Variants in LRRC4C observed in about 807,000 individuals in gnomAD.
LRRC4C encodes the protein leucine rich repeat containing 4C.
LRRC4C carries 5 observed loss-of-function variants against 33.6 expected under a neutral mutation model. The observed-to-expected ratio is 0.15, with a 90% CI of 0.08 to 0.31. The LOEUF (loss-of-function observed/expected upper bound fraction) is 0.31, where lower values mean the gene tolerates loss of function less well. Among genes scored for constraint, LRRC4C ranks in the 10% least tolerant of loss-of-function variants. The probability of loss-of-function intolerance (pLI) is 1.00; values close to 1 mark genes in which losing one functional copy is unlikely to be tolerated. For synonymous variants in LRRC4C, 329 were observed against 302.0 expected, an observed-to-expected ratio of 1.09 and a Z score of -0.93; for missense variants, 560 against 796.7, an observed-to-expected ratio of 0.70 and a Z score of 3.58.
intron 2 of LRRC4C, among the ~76,000 whole-genome samples, chr11:40,681,544 A>G (rs1199220911): frequency 6.6e-6 from 1 of 152,228 alleles, no homozygotes; most frequent in Non-Finnish European, 1.5e-5. Flanking sequence ...TATTTTATAT[A>G]ACTGAGAAAA....
intron 2 of LRRC4C, among the ~76,000 whole-genome samples, chr11:40,925,630 G>A (rs978986688): frequency 1.3e-5 from 2 of 152,094 alleles, no homozygotes; most frequent in African/African-American, 4.8e-5. Flanking sequence ...TTATAATAGG[G>A]AAAAATATTT....
In LRRC4C at chr11:40,256,798, G is replaced by T. The variant is rs184771209; in HGVS notation, c.-175-15200C>A. ...ACTTTAGTAGGCACAAAGATGCTAG[G>T]CTGAGAATTGTGCTCCTAGGTACTC... On this transcript the variant is annotated intron_variant, in intron 4 of 6. Transcript: ENST00000528697. 3.5e-3 allele frequency among the ~76,000 whole-genome samples: 535 copies of T among 152,224 alleles called. 2 individuals carry two copies. The highest frequency in any genetic ancestry group is 0.012 in the African/African-American group (507 of 41,538).
chr11:40,262,273 GATT>G (rs1941907086), intron 4 of LRRC4C, among the ~76,000 whole-genome samples: 1 of 151,922 alleles, frequency 6.6e-6, no homozygotes, highest in South Asian at 2.1e-4. Flanking sequence ...ATCAAAACAA[GATT>G]ATTATTATAC....
chr11:41,311,397 A>G (rs1428410089), intron 1 of LRRC4C, among the ~76,000 whole-genome samples: 2 of 152,324 alleles, frequency 1.3e-5, no homozygotes, highest in Non-Finnish European at 2.9e-5. Flanking sequence ...AAAAAATAAG[A>G]GCAGATTAAA....
chr11:41,380,768 C>A (rs189709224), intron 1 of LRRC4C, among the ~76,000 whole-genome samples: 1 of 152,046 alleles, frequency 6.6e-6, no homozygotes, highest in Non-Finnish European at 1.5e-5. Context: ...GAGTACGTGA[C>A]CTGGCAGAAT....
At chr11:40,657,695 T>C (rs1269627409) in intron 2 of LRRC4C, among the ~76,000 whole-genome samples, 6 of 152,230 alleles carry the variant, frequency 3.9e-5, no homozygotes, top group Admixed American at 3.9e-4. Flanking sequence ...ACATATATTG[T>C]TGTCTTCTGT....
chr11:41,108,840 T>G (rs1175335288), intron 1 of LRRC4C, among the ~76,000 whole-genome samples: 1 of 152,084 alleles, frequency 6.6e-6, no homozygotes, highest in Non-Finnish European at 1.5e-5. Flanking sequence ...TGATAAAAAT[T>G]AACAACCTAC....
intron 2 of LRRC4C, among the ~76,000 whole-genome samples, chr11:40,695,279 T>C (rs1317304010): frequency 6.6e-6 from 1 of 152,170 alleles, no homozygotes; most frequent in Non-Finnish European, 1.5e-5. Flanking sequence ...TCGGACTAGT[T>C]TGATCACTTA....
intron 1 of LRRC4C, among the ~76,000 whole-genome samples, chr11:41,003,652 A>G (rs1854536081): frequency 6.6e-6 from 1 of 151,942 alleles, no homozygotes; most frequent in Non-Finnish European, 1.5e-5. Context: ...AAAAATATTT[A>G]TACATTTTTA....
At chr11:41,331,477 G>C (rs1485219876) in intron 1 of LRRC4C, among the ~76,000 whole-genome samples, 1 of 152,138 alleles carries the variant, frequency 6.6e-6, no homozygotes, top group Non-Finnish European at 1.5e-5. Flanking sequence ...ATCACGCCAA[G>C]TATTATTTTA....
intron 4 of LRRC4C, among the ~76,000 whole-genome samples, chr11:40,258,892 A>C (rs1268565774): frequency 6.6e-6 from 1 of 152,224 alleles, no homozygotes; most frequent in African/African-American, 2.4e-5. Context: ...ATAAGGAATG[A>C]CAGAATTATT....
intron 3 of LRRC4C, among the ~76,000 whole-genome samples, chr11:40,424,020 A>T (rs927501666): frequency 1.3e-5 from 2 of 152,210 alleles, no homozygotes; most frequent in Admixed American, 1.3e-4. Flanking sequence ...ACCAATTGTT[A>T]AACATTTACC....
intron 2 of LRRC4C, among the ~76,000 whole-genome samples, chr11:40,881,659 C>CT (rs57939811): frequency 1.2e-4 from 18 of 145,368 alleles, no homozygotes; most frequent in South Asian, 8.7e-4. Flanking sequence ...TAGTTTTTTT[C>CT]TTTTTTTTTT....
At chr11:40,127,997 C>T (rs1267020158) in intron 6 of LRRC4C, among the ~76,000 whole-genome samples, 1 of 152,100 alleles carries the variant, frequency 6.6e-6, no homozygotes, top group Non-Finnish European at 1.5e-5. Flanking sequence ...TGAAACAATG[C>T]TGAAGCACAA....
At chr11:40,252,198 C>G (rs1866837770) in intron 4 of LRRC4C, among the ~76,000 whole-genome samples, 1 of 151,764 alleles carries the variant, frequency 6.6e-6, no homozygotes, top group Non-Finnish European at 1.5e-5. Flanking sequence ...ACACACACAA[C>G]CCTAGCACAC....
At chr11:41,275,680 T>A (rs1465646320) in intron 1 of LRRC4C, among the ~76,000 whole-genome samples, 1 of 152,166 alleles carries the variant, frequency 6.6e-6, no homozygotes, top group African/African-American at 2.4e-5. Flanking sequence ...GTGAGCATAA[T>A]AGAAGGATGC....
intron 1 of LRRC4C, among the ~76,000 whole-genome samples, chr11:41,445,251 T>C (rs1002727093): frequency 6.6e-6 from 1 of 152,206 alleles, no homozygotes; most frequent in African/African-American, 2.4e-5. Flanking sequence ...GAAAACACTG[T>C]AATCTCTCAA....
At chr11:40,446,438 T>C (rs949776028) in intron 3 of LRRC4C, 4 of 152,264 alleles carry the variant, frequency 2.6e-5, no homozygotes, top group Non-Finnish European at 5.9e-5. Context: ...AATTATACGT[T>C]TCCTTTTATA....
chr11:41,064,638 G>A (rs569219622), intron 1 of LRRC4C, among the ~76,000 whole-genome samples: 145 of 152,240 alleles, frequency 9.5e-4, no homozygotes, highest in African/African-American at 3.4e-3. Context: ...GGGCCAAGAT[G>A]GCTGAATAGA....
Sources: allele counts gnomAD v4.1 joint callset (sites outside exome capture counted in the v4.1 genomes callset), GRCh38; gene constraint gnomAD v4.1.1; transcripts MANE v1.5; gene names NCBI Gene and HGNC (gene_info 2026-07-23, HGNC 2026-07-21).